Variants in FTSJ3 observed in about 807,000 individuals in gnomAD.
The protein encoded by FTSJ3 is FtsJ RNA 2'-O-methyltransferase 3.
Under a neutral mutation model 111.5 loss-of-function variants are expected in FTSJ3, and 46 were observed. The ratio of observed to expected loss-of-function variants is 0.41; its 90% CI spans 0.33 to 0.53. The LOEUF is 0.53. Among genes scored for constraint, FTSJ3 ranks in the 20% least tolerant of loss-of-function variants. FTSJ3 has a pLI of 0.19. For missense variants in FTSJ3, 1,075 were observed against 1,063.8 expected (o/e 1.01, Z -0.15); for synonymous variants, 408 against 383.0 (o/e 1.07, Z -0.76).
Position 63,821,365 on chromosome 17 carries a change from C to CT in FTSJ3, c.1874dup (p.Glu626GlyfsTer11). On this transcript the variant is annotated frameshift_variant, in exon 16 of 21. Coordinates refer to ENST00000427159, the MANE Select transcript of FTSJ3 (RefSeq NM_017647.4). LOFTEE classifies it high-confidence loss of function. Reference sequence around the variant, plus strand: ...CTGCAACTACTCACCTCTCTTCTTCCTCACTGCTAGTACTGCTATCACTGT... The same window carrying CT: ...CTGCAACTACTCACCTCTCTTCTTCCTTCACTGCTAGTACTGCTATCACTGT... The CT allele has an allele frequency of 6.2e-7, 1 of 1,606,064 alleles. No homozygotes were observed. The highest frequency in any genetic ancestry group is 8.5e-7 in the Non-Finnish European group (1 of 1,175,622).
At chr17:63,824,604 G>T in intron 10 of FTSJ3, 33 bp downstream of exon 10, 1 of 1,554,822 alleles carries the variant, frequency 6.4e-7, no homozygotes, top group Non-Finnish European at 8.9e-7. Context: ...TGCCTCCAGG[G>T]CTCCTGGCCC....
chr17:63,823,804 A>C lies in FTSJ3; in HGVS notation c.1290+13T>G. The C allele has an allele frequency of 6.2e-7, 1 of 1,612,726 alleles. No individual in the cohort carries two copies. Among genetic ancestry groups the C allele is most frequent in the Non-Finnish European group, 8.5e-7 (1 of 1,179,364 alleles). On this transcript the variant is annotated intron_variant, in intron 13 of 20. Transcript: ENST00000427159. ...TTCTGTCTCCTAAACCTGCACCCCC[A>C]ATGCCGCCTCACCTGGTGACCCCGG...
intron 12 of FTSJ3, 47 bp from the exon 13 acceptor site, chr17:63,823,999 T>G (rs549669813): frequency 1.2e-6 from 2 of 1,613,926 alleles, no homozygotes; most frequent in African/African-American, 2.7e-5. Flanking sequence ...CTCCAAAGTT[T>G]CTATCCATGC....
chr17:63,822,063 C>T lies in FTSJ3; in HGVS notation c.1396G>A (p.Asp466Asn). ...YVSDVEDDGD[D>N]TSLDSDLDPE... The stretch of plus-strand genomic sequence containing the variant: ...TCCAGGTCACTATCCAGAGATGTGT[C>T]ATCACCGTCGTCCTCAACATCTGAC... The change falls in exon 14 of 21, where the codon GAC becomes AAC. Residue 466 changes from aspartate (D) to asparagine (N), a missense_variant. Asp to Asn is a conservative substitution (Grantham distance 23, BLOSUM62 1). Coordinates refer to ENST00000427159, the MANE Select transcript of FTSJ3 (RefSeq NM_017647.4). The T allele has an allele frequency of 6.2e-7, 1 of 1,614,182 alleles. No individual in the cohort carries two copies. Among genetic ancestry groups the T allele is most frequent in the Non-Finnish European group, 8.5e-7 (1 of 1,180,034 alleles).
chr17:63,821,356 CTCTT>C lies in FTSJ3; in HGVS notation c.1880_1883del (p.Glu627GlyfsTer24). Reference sequence around the variant, plus strand: ...TTCTCTCAGCTGCAACTACTCACCTCTCTTCTTCCTCACTGCTAGTACTGCTATC... The same window carrying C: ...TTCTCTCAGCTGCAACTACTCACCTCCTTCCTCACTGCTAGTACTGCTATC... On this transcript the variant is annotated frameshift_variant, in exon 16 of 21. Coordinates refer to ENST00000427159, the MANE Select transcript of FTSJ3 (RefSeq NM_017647.4). LOFTEE classifies it high-confidence loss of function. 1 of 1,603,760 alleles carries C rather than the reference CTCTT, an allele frequency of 6.2e-7. No individual in the cohort carries two copies. Among genetic ancestry groups the C allele is most frequent in the Non-Finnish European group, 8.5e-7 (1 of 1,174,406 alleles).
At chr17:63,821,953 G>A (rs560050273) in intron 14 of FTSJ3, 31 bp downstream of exon 14, 2 of 1,612,524 alleles carry the variant, frequency 1.2e-6, no homozygotes, top group African/African-American at 1.3e-5. Flanking sequence ...CAGAGTGGCA[G>A]CATTCCCTTT....
Position 63,824,723 on chromosome 17 carries a change from A to T in FTSJ3, c.831T>A (p.Asp277Glu), listed in dbSNP as rs746067618. Reference sequence around the variant, plus strand: ...TAGCTGGATGCTGTGCCAACTCTTCATCATCTACCATGATCTGTTTGGGAG... The same window carrying T: ...TAGCTGGATGCTGTGCCAACTCTTCTTCATCTACCATGATCTGTTTGGGAG... ...LSKASEIMVD[D>E]EELAQHPATT... is the part of the protein sequence containing the mutation. Residue 277 changes from aspartate (D) to glutamate (E), a missense_variant, in exon 10 of 21, where the codon GAT (aspartate) becomes GAA (glutamate). Physicochemically the swap from Asp to Glu is conservative, Grantham distance 45. Around this residue, in one of 2 missense-constraint regions of FTSJ3, gnomAD observed 867 missense variants for 796.9 expected, o/e 1.09. Transcript: ENST00000427159. 2 of 1,613,544 alleles carry T rather than the reference A, an allele frequency of 1.2e-6. No homozygotes were observed. Among genetic ancestry groups the T allele is most frequent in the African/African-American group, 2.7e-5 (2 of 74,888 alleles).
Position 63,826,834 on chromosome 17 carries a change from A to C in FTSJ3, c.67+2T>G. ...TCGCAGACTGAGCGAATCCGGACTC[A>C]CCCGTCTCCTTCGCCAAGTGATAAA... On this transcript the variant is annotated splice_donor_variant, in intron 2 of 20. Transcript: ENST00000427159. LOFTEE classifies it high-confidence loss of function. 6.2e-7 allele frequency: 1 copy of C among 1,613,930 alleles called. No individual in the cohort carries two copies. The highest frequency in any genetic ancestry group is 8.5e-7 in the Non-Finnish European group (1 of 1,179,904).
rs1171984466 is a variant in FTSJ3 at position 63,824,917 on chromosome 17, C to G, written c.724G>C (p.Ala242Pro). Residue 242 changes from alanine (A) to proline (P), a missense_variant, in exon 9 of 21, where the codon GCT (alanine) becomes CCT (proline). Physicochemically the swap from Ala to Pro is conservative, Grantham distance 27 (BLOSUM62 -1). Around this residue, in one of 2 missense-constraint regions of FTSJ3, gnomAD observed 867 missense variants for 796.9 expected, o/e 1.09. Transcript: ENST00000427159. Reference protein sequence around the residue: ...TKKKPKAEGYAEGDLTLYHRT... With the variant: ...TKKKPKAEGYPEGDLTLYHRT... ...TGATAGAGAGTGAGGTCACCCTCAG[C>G]ATAGCCTTCAGCCTTAGGAAGGAAA... 6.3e-7 allele frequency: 1 copy of G among 1,585,172 alleles called. No homozygotes were observed. Among genetic ancestry groups the G allele is most frequent in the Non-Finnish European group, 8.6e-7 (1 of 1,164,934 alleles).
chr17:63,824,433 T>G (rs1389782636), intron 10 of FTSJ3, 22 bp from the exon 11 acceptor site: 2 of 1,611,712 alleles, frequency 1.2e-6, no homozygotes, highest in South Asian at 2.2e-5. Context: ...ATACTATTAC[T>G]GATCTTGCCA....
Position 63,824,812 on chromosome 17 carries a change from G to T in FTSJ3, c.816+13C>A, listed in dbSNP as rs747949788. 3 of 1,610,210 alleles carry T rather than the reference G, an allele frequency of 1.9e-6. No homozygotes were observed. The highest frequency in any genetic ancestry group is 2.5e-6 in the Non-Finnish European group (3 of 1,176,668). On this transcript the variant is annotated intron_variant, in intron 9 of 20. Coordinates refer to ENST00000427159, the MANE Select transcript of FTSJ3 (RefSeq NM_017647.4). ...CTGGGGCTACCTCATGTCCCTCAAG[G>T]CTGGAGACTCACTTCGCTGGCCTTG...
Position 63,827,354 on chromosome 17 carries a change from C to T in FTSJ3, c.-329G>A, listed in dbSNP as rs2040119118. ...TAGCCGCCCCTCCCATCATGGTTCC[C>T]TTAGTGTGGTCTCGCCGCACACCCC... On this transcript the variant is annotated 5_prime_UTR_variant, in exon 1 of 21. Coordinates refer to ENST00000427159, the MANE Select transcript of FTSJ3 (RefSeq NM_017647.4). The T allele has an allele frequency of 1.2e-5, 15 of 1,212,256 alleles. No individual in the cohort carries two copies. In the South Asian group the frequency reaches 1.5e-4, roughly 12 times the overall value. 75.1% of individuals were successfully genotyped at this position (1,212,256 alleles called of 1,614,324 possible).
In FTSJ3 at chr17:63,819,972, C is replaced by A; in HGVS notation, c.2374G>T (p.Gly792Cys). 1 of 1,614,172 alleles carries A rather than the reference C, an allele frequency of 6.2e-7. No homozygotes were observed. ...LRSLYKKAGL[G>C]KEKRHVTYVV... Reference sequence around the variant, plus strand: ...TAGGTGACATGGCGTTTCTCCTTGCCAAGCCCAGCCTTCTTGTAGAGACTA... The same window carrying A: ...TAGGTGACATGGCGTTTCTCCTTGCAAAGCCCAGCCTTCTTGTAGAGACTA... Residue 792 changes from glycine to cysteine, a missense_variant, in exon 21 of 21, where the codon GGC becomes TGC. By Grantham distance (159) the Gly-to-Cys change is radical. Coordinates refer to ENST00000427159, the MANE Select transcript of FTSJ3 (RefSeq NM_017647.4).
Position 63,826,880 on chromosome 17 carries a change from C to T in FTSJ3, c.23G>A (p.Gly8Asp). Residue 8 changes from glycine (G) to aspartate (D), a missense_variant, in exon 2 of 21, where the codon GGC becomes GAC. Physicochemically the swap from Gly to Asp is moderately conservative, Grantham distance 94. This residue lies in a region of FTSJ3 where 208 missense variants were observed against 266.9 expected (regional missense o/e 0.78). Coordinates refer to ENST00000427159, the MANE Select transcript of FTSJ3 (RefSeq NM_017647.4). MGKKGKV[G>D]KSRRDKFYHL... ...ATAAAACTTGTCTCGTCGGCTCTTG[C>T]CAACTTTGCCCTTCTTGCCCATGGT... The T allele has an allele frequency of 6.2e-7, 1 of 1,614,126 alleles. No homozygotes were observed. Among genetic ancestry groups the T allele is most frequent in the Non-Finnish European group, 8.5e-7 (1 of 1,180,010 alleles).
chr17:63,826,074 T>C lies in FTSJ3; in HGVS notation c.282A>G (p.Thr94=). 6.2e-7 allele frequency: 1 copy of C among 1,613,192 alleles called. No homozygotes were observed. Among genetic ancestry groups the C allele is most frequent in the Non-Finnish European group, 8.5e-7 (1 of 1,179,176 alleles). The change falls in exon 5 of 21, where the codon ACA becomes ACG. Residue 94 remains threonine, a synonymous_variant. Coordinates refer to ENST00000427159, the MANE Select transcript of FTSJ3 (RefSeq NM_017647.4). ...CTATTACCTGCCTACAACGTTCTGT[T>C]GTGATGTCCTGCTGGAGAGTCACCA... ...PNVVTLQQDI[T]TERCRQALRK... is the part of the protein sequence containing the mutation.
In FTSJ3 at chr17:63,820,829, G is replaced by T. The variant is rs752574892; in HGVS notation, c.2072+10C>A. The T allele has an allele frequency of 1.1e-5, 17 of 1,598,396 alleles. 1 individual carries two copies. The highest frequency in any genetic ancestry group is 1.5e-5 in the Non-Finnish European group (17 of 1,166,024). On this transcript the variant is annotated intron_variant, in intron 18 of 20. Coordinates refer to ENST00000427159, the MANE Select transcript of FTSJ3 (RefSeq NM_017647.4). ...CTGGGTCACTCTTGATGAGTTTATG[G>T]CCCCTTTACCGGTTGAAGGAGTTAT...
chr17:63,826,698 A>C, intron 2 of FTSJ3, 26 bp from the exon 3 acceptor site: 1 of 1,584,178 alleles, frequency 6.3e-7, no homozygotes, highest in Non-Finnish European at 8.7e-7. Context: ...AAGTGCGCAA[A>C]CTGCTTCACT....
Position 63,825,246 on chromosome 17 carries a change from G to A in FTSJ3, c.591C>T (p.Cys197=), listed in dbSNP as rs773160498. The A allele has an allele frequency of 3.1e-6, 5 of 1,614,178 alleles. No individual in the cohort carries two copies. The Admixed American group carries it at 6.7e-5, about 22-fold the overall frequency. ...GAGAAAGGAAATGATGCCCACCTTGGCAGACTACAAAGATCTCTGCAGATT... is the reference window on the plus strand; with the variant it reads ...GAGAAAGGAAATGATGCCCACCTTGACAGACTACAAAGATCTCTGCAGATT... ...RHESAEIFVV[C]QGFLAPDKVD... The change falls in exon 7 of 21, where the codon TGC becomes TGT. Residue 197 remains cysteine, a synonymous_variant. Coordinates refer to ENST00000427159, the MANE Select transcript of FTSJ3 (RefSeq NM_017647.4).
chr17:63,822,658 C>T (rs180822469), intron 13 of FTSJ3, among the ~76,000 whole-genome samples: 248 of 152,268 alleles, frequency 1.6e-3, no homozygotes, highest in Non-Finnish European at 2.2e-3. Context: ...GGTATGGTGG[C>T]TCACACCTGT....
Sources: gnomAD v4.1 joint callset for allele counts (sites outside exome capture counted in the v4.1 genomes callset) on GRCh38, gnomAD v4.1.1 for gene constraint, gnomAD v4.1.1 regional missense constraint, MANE v1.5 for transcripts, NCBI Gene and HGNC (gene_info 2026-07-23, HGNC 2026-07-21) for gene names.